The following LARP4 variants were observed in gnomAD, a reference collection of about 807,000 sequenced individuals.
The protein encoded by LARP4 is la-related protein 4.
A neutral mutation model predicts 92.9 loss-of-function variants in LARP4; 29 were observed. The observed-to-expected ratio is 0.31, with a 90% CI of 0.23 to 0.43. LARP4 has a LOEUF of 0.43. Ranked by LOEUF, LARP4 falls within the 20% of genes least tolerant of loss-of-function variation. The probability of loss-of-function intolerance (pLI) is 1.00; values close to 1 mark genes in which losing one functional copy is unlikely to be tolerated. For synonymous variants in LARP4, 279 were observed against 284.1 expected (o/e 0.98, Z 0.18); for missense variants, 732 against 860.0 (o/e 0.85, Z 1.86).
At chr12:50,466,173 G>A (rs1956124995) in intron 12 of LARP4, among the ~76,000 whole-genome samples, 2 of 152,194 alleles carry the variant, frequency 1.3e-5, no homozygotes, top group South Asian at 2.1e-4. Context: ...TTTTAGTGGA[G>A]TGATGACAAA....
chr12:50,436,026 C>T (rs1950356556), intron 5 of LARP4, among the ~76,000 whole-genome samples: 1 of 147,938 alleles, frequency 6.8e-6, no homozygotes, highest in Non-Finnish European at 1.5e-5. Context: ...AGTCCTCCCA[C>T]CTTGGCTTCC....
In LARP4 at chr12:50,427,842, C is replaced by G. The variant is rs1949026279; in HGVS notation, c.99C>G (p.Thr33=). ...QEIAPGNTDA[T]PVTHGTESSW... ...TTGCTCCTGGAAATACTGATGCCAC[C>G]CCAGTAACTCATGGAACTGAAAGCT... The change falls in exon 2 of 16, where the codon ACC becomes ACG. Residue 33 remains threonine, a synonymous_variant. Transcript: ENST00000398473. The G allele has an allele frequency of 6.2e-7, 1 of 1,603,668 alleles. No individual in the cohort carries two copies. Among genetic ancestry groups the G allele is most frequent in the Non-Finnish European group, 8.5e-7 (1 of 1,172,898 alleles).
chr12:50,466,887 T>G, intron 12 of LARP4, 72 bp from the exon 13 acceptor site: 1 of 1,426,442 alleles, frequency 7.0e-7, no homozygotes, highest in Non-Finnish European at 9.6e-7. Flanking sequence ...TTCTTGCACC[T>G]TTCAGCTTCT....
intron 1 of LARP4, among the ~76,000 whole-genome samples, chr12:50,407,226 A>G (rs899451561): frequency 1.3e-5 from 2 of 150,648 alleles, no homozygotes; most frequent in South Asian, 2.1e-4. Context: ...GAGTTTCACC[A>G]TATTGGTCAG....
intron 1 of LARP4, among the ~76,000 whole-genome samples, chr12:50,406,026 G>C (rs1422024882): frequency 6.6e-6 from 1 of 151,642 alleles, no homozygotes; most frequent in African/African-American, 2.4e-5. Flanking sequence ...TTTTTTTTCT[G>C]AGTATTTTTG....
intron 1 of LARP4, among the ~76,000 whole-genome samples, chr12:50,422,144 T>C (rs1029588531): frequency 6.6e-6 from 1 of 152,008 alleles, no homozygotes; most frequent in African/African-American, 2.4e-5. Context: ...TAATTTTTTT[T>C]AGTAGAGACA....
chr12:50,470,335 T>G (rs1956779406), intron 13 of LARP4, among the ~76,000 whole-genome samples: 2 of 152,242 alleles, frequency 1.3e-5, no homozygotes, highest in African/African-American at 4.8e-5. Context: ...TTATTTTTCC[T>G]TATTGGTACA....
At chr12:50,441,469 C>T (rs1951194163) in intron 7 of LARP4, 121 bp from the exon 8 acceptor site, 6 of 625,438 alleles carry the variant, frequency 9.6e-6, no homozygotes, top group Non-Finnish European at 2.8e-6. Flanking sequence ...TCCACCTGCA[C>T]AGTGGAATCA....
At chr12:50,436,486 TTTCGTGACAG>T (rs902137909) in intron 5 of LARP4, among the ~76,000 whole-genome samples, 1 of 152,210 alleles carries the variant, frequency 6.6e-6, no homozygotes, top group Non-Finnish European at 1.5e-5. Context: ...GAAGTACATT[TTTCGTGACAG>T]TTCAATATAC....
At chr12:50,450,127 G>T (rs566295774) in intron 8 of LARP4, among the ~76,000 whole-genome samples, 2 of 151,764 alleles carry the variant, frequency 1.3e-5, no homozygotes, top group South Asian at 2.1e-4. Context: ...TAGAGACATG[G>T]TTTCACCATG....
At chr12:50,437,052 T>G (rs1950550294) in intron 5 of LARP4, among the ~76,000 whole-genome samples, 1 of 152,240 alleles carries the variant, frequency 6.6e-6, no homozygotes, top group Non-Finnish European at 1.5e-5. Context: ...AGGCTGGAAC[T>G]TGGCACTTAT....
Position 50,476,817 on chromosome 12 carries a change from T to C in LARP4, c.*953T>C, listed in dbSNP as rs1490101897. The C allele has an allele frequency of 6.6e-6, 1 of 152,626 alleles. No individual in the cohort carries two copies. The highest frequency in any genetic ancestry group is 1.5e-5 in the Non-Finnish European group (1 of 68,032). 9.5% of individuals were successfully genotyped at this position (152,626 alleles called of 1,614,324 possible). On this transcript the variant is annotated 3_prime_UTR_variant, in exon 16 of 16. Coordinates refer to ENST00000398473, the MANE Select transcript of LARP4 (RefSeq NM_052879.5). ...TACTCAATTGTGTGTTTGTAATTGC[T>C]TTGAGCAGTCTAGTCAAATCATATA... is the stretch of plus-strand genomic sequence containing the variant.
chr12:50,459,887 C>T (rs891151863), intron 10 of LARP4, among the ~76,000 whole-genome samples: 6 of 151,150 alleles, frequency 4.0e-5, no homozygotes, highest in Non-Finnish European at 5.9e-5. Flanking sequence ...GCCTGTAATC[C>T]CGACACTTTG....
chr12:50,408,993 T>C (rs35939301), intron 1 of LARP4, among the ~76,000 whole-genome samples: 1 of 151,942 alleles, frequency 6.6e-6, no homozygotes, highest in South Asian at 2.1e-4. Flanking sequence ...ATTTTTTTTT[T>C]AAATATATTG....
rs186111798 is a variant in LARP4, at chr12:50,435,355, A to C, written c.399-133A>C. On this transcript the variant is annotated intron_variant, in intron 4 of 15. Transcript: ENST00000398473. Reference sequence around the variant, plus strand: ...TTTAACAACTTTTTAGAGTTCACTGAAAAGTTTAATGTTATTTCTGATAGA... The same window carrying C: ...TTTAACAACTTTTTAGAGTTCACTGCAAAGTTTAATGTTATTTCTGATAGA... 2.3e-4 allele frequency: 143 copies of C among 628,064 alleles called. 2 individuals are homozygous for C. The Admixed American group carries it at 4.6e-3, about 20-fold the overall frequency. The allele number at this position is 628,064 out of a possible 1,614,324, so 38.9% of individuals were successfully genotyped here. A position where few individuals can be genotyped will look rare whatever the true frequency, so the allele number is the denominator to read the frequency against.
At chr12:50,471,385 A>G (rs1379440782) in intron 13 of LARP4, among the ~76,000 whole-genome samples, 1 of 152,182 alleles carries the variant, frequency 6.6e-6, no homozygotes, top group Non-Finnish European at 1.5e-5. Flanking sequence ...ATTTTGAACT[A>G]TTATGTGATA....
chr12:50,417,358 G>C (rs1946996609), intron 1 of LARP4, among the ~76,000 whole-genome samples: 1 of 150,174 alleles, frequency 6.7e-6, no homozygotes. Flanking sequence ...CTGGGTGACA[G>C]AGCAAAACTC....
intron 1 of LARP4, among the ~76,000 whole-genome samples, chr12:50,421,567 C>T (rs2136794790): frequency 6.6e-6 from 1 of 152,042 alleles, no homozygotes; most frequent in Admixed American, 6.6e-5. Flanking sequence ...ATCGCTTGAA[C>T]CCTGGAGGCA....
At chr12:50,402,008 G>A (rs920328402) in intron 1 of LARP4, among the ~76,000 whole-genome samples, 2 of 152,084 alleles carry the variant, frequency 1.3e-5, no homozygotes, top group Non-Finnish European at 1.5e-5. Context: ...CAGCAAAGCT[G>A]CAACTTCGCA....
Sources: gnomAD v4.1 joint callset for allele counts (sites outside exome capture counted in the v4.1 genomes callset) on GRCh38, gnomAD v4.1.1 for gene constraint, MANE v1.5 for transcripts, NCBI Gene and HGNC (gene_info 2026-07-23, HGNC 2026-07-21) for gene names.